NUP155: variants seen among roughly 807,000 people sequenced by gnomAD.
NUP155 encodes nucleoporin 155, also known as nuclear pore complex protein Nup155.
Under a neutral mutation model 180.4 loss-of-function variants are expected in NUP155, and 71 were observed. That is an observed-to-expected ratio of 0.39 (90% CI 0.33 to 0.48). The LOEUF (loss-of-function observed/expected upper bound fraction) is 0.48, where lower values mean the gene tolerates loss of function less well. Ranked by LOEUF, NUP155 falls within the 20% of genes least tolerant of loss-of-function variation. The probability of loss-of-function intolerance (pLI) is 0.91; values close to 1 mark genes in which losing one functional copy is unlikely to be tolerated. For synonymous variants in NUP155, 582 were observed against 559.5 expected (o/e 1.04, Z -0.57); for missense variants, 1,553 against 1,648.9 (o/e 0.94, Z 1.01).
chr5:37,317,479 ACT>A (rs2150954788), intron 21 of NUP155, among the ~76,000 whole-genome samples: 1 of 152,010 alleles, frequency 6.6e-6, no homozygotes, highest in Admixed American at 6.6e-5. Context: ...CAAGAGTGAA[ACT>A]CTGTCTCAGA....
intron 19 of NUP155, 57 bp from the exon 20 acceptor site, chr5:37,324,164 A>G (rs1744430841): frequency 1.0e-6 from 1 of 1,001,332 alleles, no homozygotes; most frequent in African/African-American, 1.6e-5. Context: ...TATAGCTATA[A>G]TATAAACAAT....
At chr5:37,327,490 A>T in intron 18 of NUP155, 139 bp downstream of exon 18, 1 of 826,800 alleles carries the variant, frequency 1.2e-6, no homozygotes, top group Non-Finnish European at 2.0e-6. Flanking sequence ...GAATAATAGA[A>T]AAGTTTTATT....
Position 37,327,769 on chromosome 5 carries a change from C to T in NUP155, c.1884G>A (p.Gln628=), listed in dbSNP as rs764186242. 2.5e-6 allele frequency: 4 copies of T among 1,614,050 alleles called. No homozygotes were observed. Among genetic ancestry groups the T allele is most frequent in the Non-Finnish European group, 3.4e-6 (4 of 1,179,990 alleles). Residue 628 remains glutamine, a synonymous_variant, in exon 18 of 35, where the codon CAG becomes CAA. Transcript: ENST00000231498. The part of the protein sequence containing the change: ...SFLGTPSHGI[Q]PPAMSTPVCA... ...ACACTGGAGTTGACATGGCAGGAGG[C>T]TGTATACCTTGTACACACATAAGAA...
At position 37,322,957 on chromosome 5, in the gene NUP155, G is replaced by C. The variant is rs541157451; in HGVS notation, c.2207+1035C>G. ...CATTGCACTCCAGCCTGGGCGACAA[G>C]AGCGAAACTCCGTCTCAAAAAAAAA... is the stretch of plus-strand genomic sequence containing the variant. On this transcript the variant is annotated intron_variant, in intron 20 of 34. Coordinates refer to ENST00000231498, the MANE Select transcript of NUP155 (RefSeq NM_153485.3). Among the ~76,000 whole-genome samples the C allele has an allele frequency of 1.3e-3, 189 of 150,806 alleles. 1 individual carries two copies. Among genetic ancestry groups the C allele is most frequent in the African/African-American group, 4.5e-3 (184 of 40,752 alleles).
intron 4 of NUP155, among the ~76,000 whole-genome samples, chr5:37,356,583 A>G (rs964665291): frequency 2.0e-5 from 3 of 152,106 alleles, no homozygotes; most frequent in African/African-American, 7.2e-5. Flanking sequence ...GACTGCAGTG[A>G]GCACCAAGGT....
Position 37,350,170 on chromosome 5 carries a change from G to A in NUP155, c.819C>T (p.Phe273=), listed in dbSNP as rs368833027. 1 of 1,611,678 alleles carries A rather than the reference G, an allele frequency of 6.2e-7. No individual in the cohort carries two copies. ...TTGTTTTCTACTTACCATCTTCTGA[G>A]AACGTGAATTGTAGCAAGGAAGGAA... ...FLVPSLLQFT[F]SEDDPILQIA... Residue 273 remains phenylalanine, a synonymous_variant, in exon 7 of 35, where the codon TTC becomes TTT. Transcript: ENST00000231498.
chr5:37,367,519 A>G (rs1189299704), intron 1 of NUP155, among the ~76,000 whole-genome samples: 1 of 146,788 alleles, frequency 6.8e-6, no homozygotes, highest in Non-Finnish European at 1.5e-5. Context: ...CCAGCCAAAC[A>G]GCATTTTTCT....
In NUP155 at chr5:37,349,419, G is replaced by T. The variant is rs558988712; in HGVS notation, c.830-174C>A. ...GTTTGCATAAGATCCAGTCCAAAAA[G>T]CATTTTGGTCAGACAACACATGAAA... On this transcript the variant is annotated intron_variant, in intron 7 of 34. Coordinates refer to ENST00000231498, the MANE Select transcript of NUP155 (RefSeq NM_153485.3). 7.9e-5 allele frequency among the ~76,000 whole-genome samples: 12 copies of T among 152,052 alleles called. No individual in the cohort carries two copies. In the South Asian group the frequency reaches 1.9e-3, roughly 24 times the overall value.
chr5:37,356,556 T>G (rs1223599227), intron 4 of NUP155, among the ~76,000 whole-genome samples: 1 of 151,920 alleles, frequency 6.6e-6, no homozygotes, highest in African/African-American at 2.4e-5. Context: ...GGAGAATCGC[T>G]TGAACTCAGG....
intron 20 of NUP155, among the ~76,000 whole-genome samples, chr5:37,322,957 G>A (rs541157451): frequency 6.6e-6 from 1 of 150,808 alleles, no homozygotes; most frequent in East Asian, 2.0e-4. Flanking sequence ...TGGGCGACAA[G>A]AGCGAAACTC....
intron 16 of NUP155, 87 bp from the exon 17 acceptor site, chr5:37,328,507 C>T: frequency 1.9e-6 from 2 of 1,052,672 alleles, no homozygotes; most frequent in South Asian, 1.3e-5. Context: ...GAAGGTATTT[C>T]CTTTTTCTTT....
intron 19 of NUP155, 121 bp from the exon 20 acceptor site, chr5:37,324,228 G>A (rs1004741460): frequency 8.5e-6 from 6 of 707,620 alleles, no homozygotes; most frequent in African/African-American, 1.8e-5. Flanking sequence ...ATTCACACCT[G>A]TTGATCCGAA....
In NUP155 at chr5:37,322,696, G is replaced by C. The variant is rs377551076; in HGVS notation, c.2207+1296C>G. On this transcript the variant is annotated intron_variant, in intron 20 of 34. Coordinates refer to ENST00000231498, the MANE Select transcript of NUP155 (RefSeq NM_153485.3). Reference sequence around the variant, plus strand: ...CACTCCAGGCTGGGCGACAGAGCGAGACTCTGTCTCAAAAAAAAAAAAAAA... The same window carrying C: ...CACTCCAGGCTGGGCGACAGAGCGACACTCTGTCTCAAAAAAAAAAAAAAA... Among the ~76,000 whole-genome samples the C allele has an allele frequency of 3.2e-3, 442 of 138,474 alleles. 1 individual carries two copies. The highest frequency in any genetic ancestry group is 0.011 in the African/African-American group (418 of 36,886). 90.8% of individuals were successfully genotyped at this position (138,474 alleles called of 152,430 possible).
intron 32 of NUP155, among the ~76,000 whole-genome samples, chr5:37,297,279 A>C (rs1166004780): frequency 6.6e-6 from 1 of 151,936 alleles, no homozygotes; most frequent in Non-Finnish European, 1.5e-5. Flanking sequence ...TTGCCTCTCC[A>C]AAGTGTTGAG....
At chr5:37,303,840 GT>G (rs1259483413) in intron 27 of NUP155, among the ~76,000 whole-genome samples, 2 of 151,820 alleles carry the variant, frequency 1.3e-5, no homozygotes. Flanking sequence ...ACTCAGGAGG[GT>G]TAGGTGTGAG....
At chr5:37,298,549 C>G (rs1381658738) in intron 32 of NUP155, among the ~76,000 whole-genome samples, 1 of 152,154 alleles carries the variant, frequency 6.6e-6, no homozygotes, top group East Asian at 1.9e-4. Flanking sequence ...TACCTATGCA[C>G]AAAAACATCA....
At chr5:37,294,572 C>A in intron 32 of NUP155, 107 bp from the exon 33 acceptor site, 3 of 1,145,562 alleles carry the variant, frequency 2.6e-6, no homozygotes, top group Non-Finnish European at 3.8e-6. Flanking sequence ...TTCTGAAATC[C>A]AATTGCAATT....
chr5:37,370,923 G>C lies in NUP155; in HGVS notation c.55C>G (p.Leu19Val). The C allele has an allele frequency of 6.2e-7, 1 of 1,614,216 alleles. No homozygotes were observed. The highest frequency in any genetic ancestry group is 8.5e-7 in the Non-Finnish European group (1 of 1,180,048). Reference protein sequence around the residue: ...AMPASTSAAALQEALENAGRL... With the variant: ...AMPASTSAAAVQEALENAGRL... ...CCAGCATTTTCCAGAGCTTCCTGCA[G>C]GGCTGCGGCAGATGTAGAGGCCGGC... Residue 19 changes from leucine (L) to valine (V), a missense_variant, in exon 1 of 35, where the codon CTG (leucine) becomes GTG (valine). Transcript: ENST00000231498.
intron 25 of NUP155, among the ~76,000 whole-genome samples, chr5:37,306,102 A>G (rs1304355144): frequency 6.6e-6 from 1 of 152,132 alleles, no homozygotes; most frequent in Non-Finnish European, 1.5e-5. Flanking sequence ...ATAAAAAAAT[A>G]TGTTTTCGCC....
Sources: allele counts gnomAD v4.1 joint callset (sites outside exome capture counted in the v4.1 genomes callset), GRCh38; gene constraint gnomAD v4.1.1; transcripts MANE v1.5; gene names NCBI Gene and HGNC (gene_info 2026-07-23, HGNC 2026-07-21).